Variants in OPALIN observed in about 807,000 individuals in gnomAD.
OPALIN encodes oligodendrocytic myelin paranodal and inner loop protein, also known as transmembrane protein 10.
In OPALIN, 15 loss-of-function variants were observed where a neutral mutation model predicts 17.8. The ratio of observed to expected loss-of-function variants is 0.84; its 90% CI spans 0.56 to 1.29. OPALIN has a LOEUF of 1.29. OPALIN is among the 50% of genes most tolerant of loss of function. The probability of loss-of-function intolerance (pLI) is 0.00; values close to 1 mark genes in which losing one functional copy is unlikely to be tolerated. For missense variants in OPALIN, 170 were observed against 176.0 expected (o/e 0.97, Z 0.19); for synonymous variants, 62 against 63.8 (o/e 0.97, Z 0.14).
At position 96,349,155 on chromosome 10, in the gene OPALIN, G is replaced by A. The variant is rs118003411; in HGVS notation, c.192+552C>T. Among the ~76,000 whole-genome samples, 6 of 152,286 alleles carry A rather than the reference G, an allele frequency of 3.9e-5. No individual in the cohort carries two copies. In the East Asian group the frequency reaches 1.2e-3, roughly 29 times the overall value. On this transcript the variant is annotated intron_variant, in intron 4 of 5. Coordinates refer to ENST00000371172, the MANE Select transcript of OPALIN (RefSeq NM_033207.5). ...TAGAACCCAGAGTCCACATGACACA[G>A]TTGTGTCACAACCATGGAACCTTGT...
intron 2 of OPALIN, chr10:96,353,336 G>A: frequency 6.3e-7 from 1 of 1,575,512 alleles, no homozygotes; most frequent in Non-Finnish European, 8.7e-7. Flanking sequence ...AGGGATCCAG[G>A]TGCCCACCTC....
intron 2 of OPALIN, chr10:96,353,316 T>C (rs2134025709): frequency 6.6e-7 from 1 of 1,522,490 alleles, no homozygotes; most frequent in Non-Finnish European, 9.0e-7. Flanking sequence ...GTTCCAAACT[T>C]CCCGCAGAGA....
At chr10:96,347,942 C>A (rs186068316) in intron 5 of OPALIN, among the ~76,000 whole-genome samples, 8 of 152,316 alleles carry the variant, frequency 5.3e-5, no homozygotes, top group Admixed American at 3.3e-4. Flanking sequence ...AAAAAGACAT[C>A]TTTCAAGTCA....
chr10:96,346,740 T>A (rs1488734277), intron 5 of OPALIN, among the ~76,000 whole-genome samples: 1 of 152,348 alleles, frequency 6.6e-6, no homozygotes, highest in East Asian at 1.9e-4. Context: ...TCAACATTGT[T>A]TGACATCGTT....
At chr10:96,357,131 C>T (rs1342199976) in intron 1 of OPALIN, 1 of 985,356 alleles carries the variant, frequency 1.0e-6, no homozygotes, top group East Asian at 1.1e-4. Flanking sequence ...CCAACACGTG[C>T]TGCAAGGACA....
chr10:96,345,931 C>T lies in OPALIN; in HGVS notation c.*10G>A. ...CAGTGCCAGGTCTGCTGCTCCTTGACTGAGCTGCATCATTCCAGGCTCAGT... is the reference window on the plus strand; with the variant it reads ...CAGTGCCAGGTCTGCTGCTCCTTGATTGAGCTGCATCATTCCAGGCTCAGT... On this transcript the variant is annotated 3_prime_UTR_variant, in exon 6 of 6. Coordinates refer to ENST00000371172, the MANE Select transcript of OPALIN (RefSeq NM_033207.5). The T allele has an allele frequency of 6.2e-7, 1 of 1,613,314 alleles. No homozygotes were observed. The highest frequency in any genetic ancestry group is 8.5e-7 in the Non-Finnish European group (1 of 1,179,506).
At chr10:96,357,183 T>A (rs939334489) in intron 1 of OPALIN, 5 of 984,754 alleles carry the variant, frequency 5.1e-6, no homozygotes, top group Non-Finnish European at 6.0e-6. Context: ...CAGAGCTTTA[T>A]CTCATCAGTG....
At chr10:96,351,454 A>G (rs1258674494) in intron 2 of OPALIN, 44 bp from the exon 3 acceptor site, 11 of 1,294,672 alleles carry the variant, frequency 8.5e-6, no homozygotes, top group Non-Finnish European at 1.1e-5. Flanking sequence ...CAAAAAGTCT[A>G]TAGAATATAC....
At position 96,358,910 on chromosome 10, in the gene OPALIN, C is replaced by T; in HGVS notation, c.-14G>A. On this transcript the variant is annotated 5_prime_UTR_variant, in exon 1 of 6. Coordinates refer to ENST00000371172, the MANE Select transcript of OPALIN (RefSeq NM_033207.5). Reference sequence around the variant, plus strand: ...TTCACTCACCATTTCTGACAGTCTCCCAGGAACCTTCTTCGTACACTGCCT... The same window carrying T: ...TTCACTCACCATTTCTGACAGTCTCTCAGGAACCTTCTTCGTACACTGCCT... 6.2e-7 allele frequency: 1 copy of T among 1,614,006 alleles called. No individual in the cohort carries two copies. Among genetic ancestry groups the T allele is most frequent in the Non-Finnish European group, 8.5e-7 (1 of 1,179,890 alleles).
chr10:96,355,378 T>G, intron 1 of OPALIN, 88 bp from the exon 2 acceptor site: 1 of 1,219,998 alleles, frequency 8.2e-7, no homozygotes, highest in South Asian at 1.2e-5. Flanking sequence ...CCTGGTGGAT[T>G]CCGAGAGGTC....
rs199782195 is a variant in OPALIN, at chr10:96,358,971, G to A, written c.-75C>T. ...CCTTTCTCACTGGCTTTATTGGCTT[G>A]TGTCTTTCATTTGTAGGAACAGTTA... On this transcript the variant is annotated 5_prime_UTR_variant, in exon 1 of 6. Transcript: ENST00000371172. 236 of 1,530,862 alleles carry A rather than the reference G, an allele frequency of 1.5e-4. No individual in the cohort carries two copies. The highest frequency in any genetic ancestry group is 2.1e-4 in the Non-Finnish European group (229 of 1,105,748). The allele number at this position is 1,530,862 out of a possible 1,614,324, so 94.8% of individuals were successfully genotyped here. A position where few individuals can be genotyped will look rare whatever the true frequency, so the allele number is the denominator to read the frequency against.
At chr10:96,355,851 C>A (rs964605003) in intron 1 of OPALIN, among the ~76,000 whole-genome samples, 23 of 152,298 alleles carry the variant, frequency 1.5e-4, no homozygotes, top group African/African-American at 5.3e-4. Flanking sequence ...AGGGGAACAG[C>A]AAACCCTTCT....
intron 1 of OPALIN, among the ~76,000 whole-genome samples, chr10:96,356,451 G>C (rs1845822260): frequency 6.6e-6 from 1 of 152,202 alleles, no homozygotes; most frequent in Non-Finnish European, 1.5e-5. Flanking sequence ...TTCCAGCAGA[G>C]GAAACTGAAA....
rs981989275 is a variant in OPALIN at position 96,343,817 on chromosome 10, G to A, written c.*2124C>T. 1.3e-5 allele frequency: 2 copies of A among 152,212 alleles called. No individual in the cohort carries two copies. Among genetic ancestry groups the A allele is most frequent in the East Asian group, 3.8e-4 (2 of 5,200 alleles). The allele number at this position is 152,212 out of a possible 1,614,324, so 9.4% of individuals were successfully genotyped here. A position where few individuals can be genotyped will look rare whatever the true frequency, so the allele number is the denominator to read the frequency against. On this transcript the variant is annotated 3_prime_UTR_variant, in exon 6 of 6. Coordinates refer to ENST00000371172, the MANE Select transcript of OPALIN (RefSeq NM_033207.5). ...GTTCTTGGTTATTCAGGGAAGAGGG[G>A]CATGTTTCTGAGTAATCAGAAGCCC...
rs759867843 is a variant in OPALIN, at chr10:96,349,794, G to T, written c.105C>A (p.Gly35=). Residue 35 remains glycine (G), a synonymous_variant, in exon 4 of 6, where the codon GGC becomes GGA. Coordinates refer to ENST00000371172, the MANE Select transcript of OPALIN (RefSeq NM_033207.5). ...DCGPSLGLAA[G]IPLLVATALL... ...GGGCTGTGGCCACCAGCAATGGTAT[G>T]CCCGCCGCTAATCCAAGAGAGGGCC... 6.2e-7 allele frequency: 1 copy of T among 1,603,886 alleles called. No homozygotes were observed.
intron 1 of OPALIN, among the ~76,000 whole-genome samples, chr10:96,355,817 TG>T (rs751654923): frequency 1.3e-5 from 2 of 152,226 alleles, no homozygotes; most frequent in Non-Finnish European, 2.9e-5. Context: ...TCTAGGTTGC[TG>T]GAGCTGAAGT....
intron 2 of OPALIN, among the ~76,000 whole-genome samples, chr10:96,354,417 C>T (rs10748671): frequency 0.74 from 112,195 of 152,112 alleles, 41,765 homozygotes; most frequent in Middle Eastern, 0.79. Flanking sequence ...CTCTAAAATG[C>T]CATGTATCAC....
intron 3 of OPALIN, 137 bp downstream of exon 3, chr10:96,351,241 G>T: frequency 4.7e-6 from 3 of 640,768 alleles, no homozygotes; most frequent in Non-Finnish European, 8.3e-6. Context: ...GAGCGGAGCT[G>T]GTCAAGAATA....
chr10:96,358,186 TAAAAA>T (rs61616596), intron 1 of OPALIN, among the ~76,000 whole-genome samples: 29 of 61,590 alleles, frequency 4.7e-4, no homozygotes, highest in East Asian at 4.4e-3. Flanking sequence ...ATGCTTTTTG[TAAAAA>T]AAAAAAAAAA....
Sources: gnomAD v4.1 joint callset for allele counts (sites outside exome capture counted in the v4.1 genomes callset) on GRCh38, gnomAD v4.1.1 for gene constraint, MANE v1.5 for transcripts, NCBI Gene and HGNC (gene_info 2026-07-23, HGNC 2026-07-21) for gene names.